REPS2: variants seen among roughly 807,000 people sequenced by gnomAD.
REPS2 encodes the protein ralBP1-associated Eps domain-containing protein 2.
REPS2 carries 23 observed loss-of-function variants against 53.6 expected under a neutral mutation model. The observed-to-expected ratio is 0.43, with a 90% confidence interval of 0.31 to 0.61. The LOEUF is 0.61. REPS2 is among the 20% of genes least tolerant of loss of function. The probability of loss-of-function intolerance (pLI) is 0.11; values close to 1 mark genes in which losing one functional copy is unlikely to be tolerated. For missense variants in REPS2, 446 were observed against 534.9 expected, an observed-to-expected ratio of 0.83 and a Z score of 1.64; for synonymous variants, 238 against 218.6, an observed-to-expected ratio of 1.09 and a Z score of -0.78.
At chrX:17,138,775 C>T in intron 16 of REPS2, 81 bp from the exon 17 acceptor site, 2 of 559,103 alleles carry the variant, frequency 3.6e-6, no homozygotes. Context: ...AGTTTAACAC[C>T]TCTCATGAAT....
the REPS2 span, among the ~76,000 whole-genome samples, chrX:17,193,902 C>T: frequency 1.8e-5 from 2 of 111,555 alleles, no homozygotes; most frequent in Admixed American, 9.6e-5. Flanking sequence ...GGTGAGCTAT[C>T]AGTCATTTTA....
At chrX:16,960,209 A>T (rs1024636656) in intron 1 of REPS2, among the ~76,000 whole-genome samples, 5 of 109,040 alleles carry the variant, frequency 4.6e-5, no homozygotes, top group Admixed American at 2.0e-4. Flanking sequence ...ACAAAAAATT[A>T]AAAAAAAATG....
intron 17 of REPS2, among the ~76,000 whole-genome samples, chrX:17,141,281 G>A (rs1011698858): frequency 2.7e-5 from 3 of 111,502 alleles, no homozygotes; most frequent in Non-Finnish European, 3.8e-5. Flanking sequence ...TTATATAAGC[G>A]GTGTCTTACA....
At chrX:17,128,201 A>G (rs112271716) in intron 14 of REPS2, among the ~76,000 whole-genome samples, 2,746 of 111,229 alleles carry the variant, frequency 0.025, 91 homozygotes, top group African/African-American at 0.087. Context: ...GCTCTTTAGG[A>G]AAAAACCTAG....
At chrX:17,029,725 A>G (rs1335695193) in intron 5 of REPS2, 102 bp downstream of exon 5, 5 of 503,027 alleles carry the variant, frequency 9.9e-6, no homozygotes, top group Non-Finnish European at 1.7e-5. Context: ...CAAGGAAGAT[A>G]TAAAACTGAT....
chrX:17,035,655 TA>T (rs2061756222), intron 5 of REPS2, among the ~76,000 whole-genome samples: 3 of 111,069 alleles, frequency 2.7e-5, no homozygotes, highest in Non-Finnish European at 3.8e-5. Context: ...ATTTTAAAAA[TA>T]TGTCAAACAT....
intron 16 of REPS2, chrX:17,136,997 C>T (rs1275019580): frequency 8.9e-6 from 1 of 112,463 alleles, no homozygotes; most frequent in African/African-American, 3.2e-5. Context: ...GAATAATATT[C>T]CATTGTATGG....
At chrX:17,047,122 A>G (rs972701448) in intron 5 of REPS2, among the ~76,000 whole-genome samples, 39 of 111,985 alleles carry the variant, frequency 3.5e-4, no homozygotes, top group African/African-American at 1.2e-3. Context: ...TCAGTATTTC[A>G]TGCCTCAGTC....
chrX:17,153,177 A>G lies in REPS2; in HGVS notation c.*5696A>G, dbSNP rs11864. 37,146 of 111,460 alleles carry G rather than the reference A, an allele frequency of 0.33. 5,066 individuals are homozygous for G. The highest frequency in any genetic ancestry group is 0.53 in the Middle Eastern group (113 of 214). 9.2% of individuals were successfully genotyped at this position (111,460 alleles called of 1,213,427 possible). ...TGCCTCTTTTTCACACTTGTTGAAA[A>G]GTCTGTGAAGAACATAGTTAAAGAT... On this transcript the variant is annotated 3_prime_UTR_variant, in exon 18 of 18. Transcript: ENST00000357277.
intron 7 of REPS2, among the ~76,000 whole-genome samples, chrX:17,053,515 A>G (rs2062029548): frequency 9.1e-6 from 1 of 109,391 alleles, no homozygotes; most frequent in South Asian, 3.9e-4. Context: ...CTAGCTTTTC[A>G]TTTTTTTCTA....
intron 1 of REPS2, among the ~76,000 whole-genome samples, chrX:16,956,382 A>G (rs186604297): frequency 1.1e-5 from 1 of 93,560 alleles, no homozygotes; most frequent in East Asian, 3.7e-4. Context: ...GTTCACTGCA[A>G]CCTGTGCCTC....
chrX:16,992,449 T>A (rs2061175778), intron 1 of REPS2, among the ~76,000 whole-genome samples: 1 of 112,227 alleles, frequency 8.9e-6, no homozygotes, highest in Non-Finnish European at 1.9e-5. Flanking sequence ...GGTTGAACAT[T>A]CAGAGGCTTC....
chrX:17,006,124 C>T (rs2061360188), intron 1 of REPS2, 97 bp from the exon 2 acceptor site: 1 of 1,007,274 alleles, frequency 9.9e-7, no homozygotes, highest in South Asian at 2.3e-5. Flanking sequence ...TTTTGGTTAG[C>T]CACTAGGTGA....
chrX:17,158,301 G>A, the REPS2 span, among the ~76,000 whole-genome samples: 5 of 111,233 alleles, frequency 4.5e-5, no homozygotes, highest in African/African-American at 6.5e-5. Context: ...ATACATAGCC[G>A]CACATATATG....
intron 1 of REPS2, among the ~76,000 whole-genome samples, chrX:16,963,479 G>T: frequency 8.9e-6 from 1 of 112,594 alleles, no homozygotes; most frequent in Non-Finnish European, 1.9e-5. Context: ...TGTATAGCAG[G>T]CTGCTTTGTC....
chrX:17,178,501 G>A, the REPS2 span, among the ~76,000 whole-genome samples: 1 of 112,626 alleles, frequency 8.9e-6, no homozygotes, highest in African/African-American at 3.2e-5. Context: ...GAGCTGCAGT[G>A]CTAGACTGAC....
chrX:16,965,045 C>T (rs1436489426), intron 1 of REPS2, among the ~76,000 whole-genome samples: 5 of 82,759 alleles, frequency 6.0e-5, no homozygotes, highest in African/African-American at 1.4e-4. Context: ...GGGGGGCTGA[C>T]CCCCCCACCT....
At chrX:16,964,940 G>A (rs1446807108) in intron 1 of REPS2, among the ~76,000 whole-genome samples, 21 of 7,619 alleles carry the variant, frequency 2.8e-3, no homozygotes, top group East Asian at 0.024. Flanking sequence ...CCTCCCGGAC[G>A]GGGCGGCTGG....
chrX:17,133,443 T>G (rs1350901635), intron 14 of REPS2, among the ~76,000 whole-genome samples: 1 of 112,209 alleles, frequency 8.9e-6, no homozygotes, highest in Non-Finnish European at 1.9e-5. Flanking sequence ...AAAAATTCAG[T>G]GTTTTTAATG....
Sources: gnomAD v4.1 joint callset for allele counts (sites outside exome capture counted in the v4.1 genomes callset) on GRCh38, gnomAD v4.1.1 for gene constraint, MANE v1.5 for transcripts, NCBI Gene and HGNC (gene_info 2026-07-23, HGNC 2026-07-21) for gene names.